Variants in ASXL3 observed in about 807,000 individuals in gnomAD.
The protein encoded by ASXL3 is ASXL transcriptional regulator 3, also known as putative Polycomb group protein ASXL3.
A neutral mutation model predicts 170.6 loss-of-function variants in ASXL3; 34 were observed. The observed-to-expected ratio is 0.20, with a 90% CI of 0.15 to 0.27. The LOEUF is 0.27. Ranked by LOEUF, ASXL3 falls within the 10% of genes least tolerant of loss-of-function variation. The pLI is 1.00. For synonymous variants in ASXL3, 1,002 were observed against 989.1 expected, an observed-to-expected ratio of 1.01 and a Z score of -0.24; for missense variants, 2,592 against 2,695.3, an observed-to-expected ratio of 0.96 and a Z score of 0.85.
In ASXL3 at chr18:33,578,677, G is replaced by T; in HGVS notation, c.46G>T (p.Ala16Ser). 1 of 1,339,224 alleles carries T rather than the reference G, an allele frequency of 7.5e-7. No individual in the cohort carries two copies. Among genetic ancestry groups the T allele is most frequent in the Non-Finnish European group, 9.8e-7 (1 of 1,020,584 alleles). The allele number at this position is 1,339,224 out of a possible 1,614,324, so 83.0% of individuals were successfully genotyped here. A position where few individuals can be genotyped will look rare whatever the true frequency, so the allele number is the denominator to read the frequency against. Residue 16 changes from alanine to serine, a missense_variant, in exon 1 of 12, where the codon GCC (alanine) becomes TCC (serine). Physicochemically the swap from Ala to Ser is moderately conservative, Grantham distance 99 (BLOSUM62 1). Coordinates refer to ENST00000269197, the MANE Select transcript of ASXL3 (RefSeq NM_030632.3). ...KKKDRTWAEA[A>S]RLALEKHPNS... ...GAAGGACCGCACCTGGGCCGAGGCT[G>T]CCCGCCTGGTACGTACCGCCCCCCA...
rs2145423325 is a variant in ASXL3 at position 33,743,037 on chromosome 18, A to C, written c.3189A>C (p.Gln1063His). 1 of 1,613,814 alleles carries C rather than the reference A, an allele frequency of 6.2e-7. No individual in the cohort carries two copies. The highest frequency in any genetic ancestry group is 1.7e-5 in the Admixed American group (1 of 60,006). The change falls in exon 12 of 12, where the codon CAA becomes CAC. Residue 1063 changes from glutamine to histidine, a missense_variant. Coordinates refer to ENST00000269197, the MANE Select transcript of ASXL3 (RefSeq NM_030632.3). ...CAGATATCAAGGCCCGGGCCCAACA[A>C]GCTCGGGCCCAGCGAGAGGCTGCTG... ...TLADIKARAQ[Q>H]ARAQREAAAA...
chr18:33,592,295 T>G (rs1240847361), intron 1 of ASXL3, among the ~76,000 whole-genome samples: 1 of 152,222 alleles, frequency 6.6e-6, no homozygotes. Flanking sequence ...AAAAAGTCTT[T>G]AAGTTATTTA....
At position 33,739,228 on chromosome 18, in the gene ASXL3, C is replaced by G. The variant is rs756681965; in HGVS notation, c.1824C>G (p.Ile608Met). ...AACAGCTTTCAGAAAATGCCTGCAT[C>G]TCTGAAACGTCCTTTTCTTCTGAGA... ...PEEQLSENACISETSFSSESP... is the reference protein window; with the variant it reads ...PEEQLSENACMSETSFSSESP... Residue 608 changes from isoleucine to methionine, a missense_variant, in exon 11 of 12, where the codon ATC (isoleucine) becomes ATG (methionine). Transcript: ENST00000269197. The G allele has an allele frequency of 1.7e-5, 27 of 1,613,756 alleles. No individual in the cohort carries two copies. In the South Asian group the frequency reaches 3.0e-4, roughly 18 times the overall value.
At chr18:33,717,259 C>T (rs1273250148) in intron 8 of ASXL3, among the ~76,000 whole-genome samples, 1 of 152,058 alleles carries the variant, frequency 6.6e-6, no homozygotes, top group Non-Finnish European at 1.5e-5. Context: ...AGTTGTGATA[C>T]CTAGTTTCAA....
intron 8 of ASXL3, among the ~76,000 whole-genome samples, chr18:33,704,321 G>T (rs939145614): frequency 1.3e-5 from 2 of 152,042 alleles, no homozygotes; most frequent in Admixed American, 1.3e-4. Context: ...TTATATTAAA[G>T]TATAGATTGT....
intron 4 of ASXL3, among the ~76,000 whole-genome samples, chr18:33,652,666 T>G (rs2066020447): frequency 6.7e-6 from 1 of 149,408 alleles, no homozygotes; most frequent in South Asian, 2.1e-4. Context: ...AAATAATGAT[T>G]CCAACATTTG....
chr18:33,581,597 C>T (rs965657168), intron 1 of ASXL3, among the ~76,000 whole-genome samples: 1 of 152,114 alleles, frequency 6.6e-6, no homozygotes, highest in Middle Eastern at 3.4e-3. Context: ...GCTTTGCCTT[C>T]ACTTAAAGAA....
At position 33,738,985 on chromosome 18, in the gene ASXL3, G is replaced by A. The variant is rs755905581; in HGVS notation, c.1581G>A (p.Gln527=). ...VKIEGKSESP[Q]EEMTVVIDQL... is the part of the protein sequence containing the mutation. ...TAGAAGGGAAGTCAGAATCACCCCA[G>A]GAAGAAATGACAGTTGTTATCGATC... The change falls in exon 11 of 12, where the codon CAG becomes CAA. Residue 527 remains glutamine, a synonymous_variant. Coordinates refer to ENST00000269197, the MANE Select transcript of ASXL3 (RefSeq NM_030632.3). 6.2e-7 allele frequency: 1 copy of A among 1,613,708 alleles called. No homozygotes were observed. The highest frequency in any genetic ancestry group is 8.5e-7 in the Non-Finnish European group (1 of 1,179,814).
At chr18:33,593,612 A>G (rs1030731545) in intron 1 of ASXL3, among the ~76,000 whole-genome samples, 4 of 152,198 alleles carry the variant, frequency 2.6e-5, no homozygotes, top group East Asian at 1.9e-4. Context: ...CAGTCCTTCA[A>G]CTTACTGATA....
intron 8 of ASXL3, among the ~76,000 whole-genome samples, chr18:33,690,869 A>C (rs2066676951): frequency 1.3e-5 from 2 of 152,218 alleles, no homozygotes; most frequent in South Asian, 4.1e-4. Flanking sequence ...TTAGACTTCT[A>C]ACACTGCACA....
intron 11 of ASXL3, 38 bp from the exon 12 acceptor site, chr18:33,742,850 T>TGAA: frequency 1.3e-6 from 2 of 1,549,264 alleles, no homozygotes; most frequent in South Asian, 2.5e-5. Context: ...TGATCATGTA[T>TGAA]GAAGCACATT....
Position 33,747,794 on chromosome 18 carries a change from C to G in ASXL3, c.*1199C>G, listed in dbSNP as rs2067820583. 1 of 152,068 alleles carries G rather than the reference C, an allele frequency of 6.6e-6. No homozygotes were observed. Among genetic ancestry groups the G allele is most frequent in the South Asian group, 2.1e-4 (1 of 4,822 alleles). The allele number at this position is 152,068 out of a possible 1,614,324, so 9.4% of individuals were successfully genotyped here. On this transcript the variant is annotated 3_prime_UTR_variant, in exon 12 of 12. Coordinates refer to ENST00000269197, the MANE Select transcript of ASXL3 (RefSeq NM_030632.3). ...TTTTGTTTTTTCCCTCAGGTATATT[C>G]AATACATTCTTCATATTTGGGGGAA...
rs2067861234 is a variant in ASXL3 at position 33,750,101 on chromosome 18, C to A, written c.*3506C>A. 6.6e-6 allele frequency: 1 copy of A among 152,288 alleles called. No individual in the cohort carries two copies. The allele number at this position is 152,288 out of a possible 1,614,324, so 9.4% of individuals were successfully genotyped here. On this transcript the variant is annotated 3_prime_UTR_variant, in exon 12 of 12. Coordinates refer to ENST00000269197, the MANE Select transcript of ASXL3 (RefSeq NM_030632.3). ...GTGGTGAGGCCCAGCACAGCGGTAG[C>A]TGCCTAGTGGGAATGACCCCCTGAG...
chr18:33,675,928 A>G (rs549438008), intron 7 of ASXL3, among the ~76,000 whole-genome samples: 1 of 152,142 alleles, frequency 6.6e-6, no homozygotes, highest in Admixed American at 6.5e-5. Flanking sequence ...AAATAAAAGA[A>G]AAAAATTCCT....
intron 2 of ASXL3, among the ~76,000 whole-genome samples, chr18:33,611,917 G>A (rs753646885): frequency 1.3e-5 from 2 of 151,878 alleles, no homozygotes; most frequent in East Asian, 1.9e-4. Context: ...CATGTCTTAC[G>A]TAATTTTTAA....
chr18:33,726,111 C>T (rs1489972345), intron 8 of ASXL3, among the ~76,000 whole-genome samples: 5 of 152,146 alleles, frequency 3.3e-5, no homozygotes, highest in Admixed American at 6.6e-5. Context: ...AAACAAACCT[C>T]CTCTGCCTAT....
chr18:33,591,500 T>C (rs2065076654), intron 1 of ASXL3, among the ~76,000 whole-genome samples: 1 of 152,220 alleles, frequency 6.6e-6, no homozygotes, highest in Non-Finnish European at 1.5e-5. Flanking sequence ...TTTATTTCTT[T>C]GTCATTTTTT....
At chr18:33,672,240 A>C (rs1245076244) in intron 7 of ASXL3, among the ~76,000 whole-genome samples, 1 of 152,248 alleles carries the variant, frequency 6.6e-6, no homozygotes, top group East Asian at 1.9e-4. Flanking sequence ...AGTCTTTATA[A>C]AGGGTTCACT....
Position 33,739,817 on chromosome 18 carries a change from T to C in ASXL3, c.2413T>C (p.Ser805Pro), listed in dbSNP as rs1238773074. ...ENLTSQQKNLSNTPEPIIMSS... is the reference protein window; with the variant it reads ...ENLTSQQKNLPNTPEPIIMSS... Reference sequence around the variant, plus strand: ...CCTTACCTCCCAGCAGAAGAATCTGTCTAATACTCCCGAACCCATCATAAT... The same window carrying C: ...CCTTACCTCCCAGCAGAAGAATCTGCCTAATACTCCCGAACCCATCATAAT... The change falls in exon 11 of 12, where the codon TCT becomes CCT. Residue 805 changes from serine (S) to proline (P), a missense_variant. Ser to Pro is a moderately conservative substitution (Grantham distance 74, BLOSUM62 -1). Transcript: ENST00000269197. The C allele has an allele frequency of 6.2e-7, 1 of 1,613,872 alleles. No homozygotes were observed. Among genetic ancestry groups the C allele is most frequent in the South Asian group, 1.1e-5 (1 of 91,076 alleles).
Sources: allele counts gnomAD v4.1 joint callset (sites outside exome capture counted in the v4.1 genomes callset), GRCh38; gene constraint gnomAD v4.1.1; transcripts MANE v1.5; gene names NCBI Gene and HGNC (gene_info 2026-07-23, HGNC 2026-07-21).